TMPRSS2: variants seen among roughly 807,000 people sequenced by gnomAD.
TMPRSS2 encodes the protein transmembrane serine protease 2.
A neutral mutation model predicts 67.4 loss-of-function variants in TMPRSS2; 59 were observed. That is an observed-to-expected ratio of 0.88 (90% CI 0.71 to 1.09). The LOEUF (loss-of-function observed/expected upper bound fraction) is 1.09. Among genes scored for constraint, TMPRSS2 ranks in the 50% least tolerant of loss-of-function variants. The probability of loss-of-function intolerance (pLI) is 0.00; values close to 1 mark genes in which losing one functional copy is unlikely to be tolerated. For synonymous variants in TMPRSS2, 257 were observed against 257.0 expected, an observed-to-expected ratio of 1.00 and a Z score of 0.00; for missense variants, 668 against 642.7, an observed-to-expected ratio of 1.04 and a Z score of -0.43.
At chr21:41,479,113 C>A in intron 7 of TMPRSS2, 59 bp downstream of exon 7, 2 of 1,293,624 alleles carry the variant, frequency 1.5e-6, no homozygotes, top group Admixed American at 1.7e-5. Context: ...CAACGATTCC[C>A]CATGGTGTCT....
At chr21:41,498,891 T>A (rs930458926) in intron 1 of TMPRSS2, among the ~76,000 whole-genome samples, 2 of 151,762 alleles carry the variant, frequency 1.3e-5, no homozygotes, top group African/African-American at 4.8e-5. Flanking sequence ...AAGCTGAGGG[T>A]TGTGGGAGAG....
Position 41,466,005 on chromosome 21 carries a change from C to T in TMPRSS2, c.*137G>A, listed in dbSNP as rs2091080058. 4 of 1,124,302 alleles carry T rather than the reference C, an allele frequency of 3.6e-6. No individual in the cohort carries two copies. The allele number at this position is 1,124,302 out of a possible 1,614,324, so 69.6% of individuals were successfully genotyped here. On this transcript the variant is annotated 3_prime_UTR_variant, in exon 14 of 14. Transcript: ENST00000332149. ...GCCTGCACAGAATGGCAGAGAGTGC[C>T]AAAGCCAGACAAGTTCACTGTTTAA...
intron 5 of TMPRSS2, among the ~76,000 whole-genome samples, chr21:41,483,299 C>T (rs2091270376): frequency 6.6e-6 from 1 of 151,842 alleles, no homozygotes; most frequent in African/African-American, 2.4e-5. Context: ...TACACTTCTT[C>T]TTCTTCTTCT....
intron 1 of TMPRSS2, among the ~76,000 whole-genome samples, chr21:41,500,218 A>G (rs1245675181): frequency 1.3e-5 from 2 of 152,232 alleles, no homozygotes; most frequent in Non-Finnish European, 2.9e-5. Flanking sequence ...AGATAATAGT[A>G]ACACCTACCT....
chr21:41,477,798 C>G (rs2091226200), intron 7 of TMPRSS2, among the ~76,000 whole-genome samples: 1 of 152,106 alleles, frequency 6.6e-6, no homozygotes, highest in South Asian at 2.1e-4. Flanking sequence ...TGGTTATTCA[C>G]AGAAGCCCGA....
intron 1 of TMPRSS2, chr21:41,502,427 A>G (rs2091430722): frequency 1.0e-6 from 1 of 985,282 alleles, no homozygotes; most frequent in Admixed American, 6.2e-5. Context: ...CCCACCTGTG[A>G]CTGGTACGGT....
rs947928690 is a variant in TMPRSS2 at position 41,478,639 on chromosome 21, C to A, written c.683+533G>T. Reference sequence around the variant, plus strand: ...GAAACACCACAACTCATTCCCAGGCCGCCAGAATGCTGCCCATCCCTCACA... The same window carrying A: ...GAAACACCACAACTCATTCCCAGGCAGCCAGAATGCTGCCCATCCCTCACA... On this transcript the variant is annotated intron_variant, in intron 7 of 13. Coordinates refer to ENST00000332149, the MANE Select transcript of TMPRSS2 (RefSeq NM_005656.4). This position sits in a 1 kb window ranked among gnomAD's most constrained non-coding sequence, Gnocchi z 4.0. Among the ~76,000 whole-genome samples the A allele has an allele frequency of 6.6e-6, 1 of 152,168 alleles. No homozygotes were observed. Among genetic ancestry groups the A allele is most frequent in the Non-Finnish European group, 1.5e-5 (1 of 68,026 alleles).
In TMPRSS2 at chr21:41,473,409, C is replaced by T. The variant is rs1368932804; in HGVS notation, c.815G>A (p.Ser272Asn). ...CACGTGGACGTTCTGGACGTGCAGG[C>T]TGACCTGCCAGGGCCAGGCCCCCGG... ...ALPGAWPWQV[S>N]LHVQNVHVCG... The change falls in exon 9 of 14, where the codon AGC becomes AAC. Residue 272 changes from serine to asparagine, a missense_variant. Coordinates refer to ENST00000332149, the MANE Select transcript of TMPRSS2 (RefSeq NM_005656.4). 7 of 1,610,244 alleles carry T rather than the reference C, an allele frequency of 4.3e-6. No homozygotes were observed. Among genetic ancestry groups the T allele is most frequent in the African/African-American group, 1.3e-5 (1 of 75,020 alleles).
intron 1 of TMPRSS2, among the ~76,000 whole-genome samples, chr21:41,500,175 G>A (rs1395409855): frequency 1.3e-5 from 2 of 152,194 alleles, no homozygotes; most frequent in Non-Finnish European, 2.9e-5. Flanking sequence ...GCTATTGAAG[G>A]TTCTGTGCCT....
chr21:41,475,648 GTGAGTGAGGGTTGAGGGAGTGA>G (rs2091205124), intron 8 of TMPRSS2, among the ~76,000 whole-genome samples: 2 of 72,584 alleles, frequency 2.8e-5, no homozygotes, highest in Non-Finnish European at 5.9e-5. Flanking sequence ...GAGTGAGGAG[GTGAGTGAGGGTTGAGGGAGTGA>G]GGGGGTGAGT....
intron 1 of TMPRSS2, 32 bp downstream of exon 1, chr21:41,508,049 C>A: frequency 7.7e-7 from 1 of 1,295,620 alleles, no homozygotes; most frequent in South Asian, 2.3e-5. Flanking sequence ...GCCCGGACCC[C>A]GAGCCGGGAC....
chr21:41,482,472 A>G (rs1164586203), intron 5 of TMPRSS2, among the ~76,000 whole-genome samples: 1 of 152,256 alleles, frequency 6.6e-6, no homozygotes, highest in Non-Finnish European at 1.5e-5. Flanking sequence ...AGCTGAAAGC[A>G]TGGAAACAAT....
rs1402532005 is a variant in TMPRSS2, at chr21:41,494,441, C to G, written c.153G>C (p.Gln51His). ...PAQYYPSPVP[Q>H]YAPRVLTQAS... The stretch of plus-strand genomic sequence containing the variant: ...CCTGCGTCAGGACCCTCGGGGCGTA[C>G]TGGGGCACGGGGGACGGGTAGTACT... Residue 51 changes from glutamine to histidine, a missense_variant, in exon 3 of 14, where the codon CAG (glutamine) becomes CAC (histidine). Physicochemically the swap from Gln to His is conservative, Grantham distance 24. Transcript: ENST00000332149. 6.2e-7 allele frequency: 1 copy of G among 1,613,340 alleles called. No individual in the cohort carries two copies. The highest frequency in any genetic ancestry group is 8.5e-7 in the Non-Finnish European group (1 of 1,179,820).
rs1190297901 is a variant in TMPRSS2 at position 41,464,861 on chromosome 21, T to A, written c.*1281A>T. Reference sequence around the variant, plus strand: ...TCAAGGTTAAGTCCTAGCTGTAGAATCATTCATTTCATTCTTGCAAACCAG... The same window carrying A: ...TCAAGGTTAAGTCCTAGCTGTAGAAACATTCATTTCATTCTTGCAAACCAG... On this transcript the variant is annotated 3_prime_UTR_variant, in exon 14 of 14. Transcript: ENST00000332149. 1 of 233,190 alleles carries A rather than the reference T, an allele frequency of 4.3e-6. No homozygotes were observed. Among genetic ancestry groups the A allele is most frequent in the Non-Finnish European group, 8.5e-6 (1 of 118,070 alleles). 14.4% of individuals were successfully genotyped at this position (233,190 alleles called of 1,614,324 possible). A position where few individuals can be genotyped will look rare whatever the true frequency, so the allele number is the denominator to read the frequency against.
At chr21:41,496,024 T>C (rs898668186) in intron 2 of TMPRSS2, among the ~76,000 whole-genome samples, 2 of 152,204 alleles carry the variant, frequency 1.3e-5, no homozygotes, top group African/African-American at 2.4e-5. Flanking sequence ...AATCCTGTAC[T>C]TTTAGTTCCT....
Position 41,489,567 on chromosome 21 carries a change from A to C in TMPRSS2, c.265T>G (p.Leu89Val). The C allele has an allele frequency of 6.2e-7, 1 of 1,614,192 alleles. No individual in the cohort carries two copies. Among genetic ancestry groups the C allele is most frequent in the South Asian group, 1.1e-5 (1 of 91,080 alleles). Residue 89 changes from leucine to valine, a missense_variant, in exon 4 of 14, where the codon TTG (leucine) becomes GTG (valine). By Grantham distance (32) the Leu-to-Val change is conservative (BLOSUM62 1). Coordinates refer to ENST00000332149, the MANE Select transcript of TMPRSS2 (RefSeq NM_005656.4). The part of the protein sequence containing the change: ...SKTKKALCIT[L>V]TLGTFLVGAA... ...CCCACGAGGAAGGTCCCCAGGGTCA[A>C]GGTGATGCACAGTGCTTTCTTAGTC...
At chr21:41,491,389 C>T (rs1232086350) in intron 3 of TMPRSS2, among the ~76,000 whole-genome samples, 1 of 152,044 alleles carries the variant, frequency 6.6e-6, no homozygotes, top group Non-Finnish European at 1.5e-5. Context: ...CCAAGTGATC[C>T]ACTCGCCTCA....
At position 41,468,407 on chromosome 21, in the gene TMPRSS2, C is replaced by T. The variant is rs867186402; in HGVS notation, c.1303G>A (p.Asp435Asn). 5 of 1,614,066 alleles carry T rather than the reference C, an allele frequency of 3.1e-6. No homozygotes were observed. The highest frequency in any genetic ancestry group is 2.2e-5 in the East Asian group (1 of 44,882). Reference protein sequence around the residue: ...ICAGFLQGNVDSCQGDSGGPL... With the variant: ...ICAGFLQGNVNSCQGDSGGPL... ...AAATGTTGAATTACCTGGCAAGAATCGACGTTCCCCTGCAGGAAGCCGGCA... is the reference window on the plus strand; with the variant it reads ...AAATGTTGAATTACCTGGCAAGAATTGACGTTCCCCTGCAGGAAGCCGGCA... The change falls in exon 12 of 14, where the codon GAT becomes AAT. Residue 435 changes from aspartate (D) to asparagine (N), a missense_variant. Coordinates refer to ENST00000332149, the MANE Select transcript of TMPRSS2 (RefSeq NM_005656.4).
intron 3 of TMPRSS2, among the ~76,000 whole-genome samples, chr21:41,490,844 G>A (rs1323048704): frequency 1.3e-5 from 2 of 152,220 alleles, no homozygotes; most frequent in Non-Finnish European, 2.9e-5. Flanking sequence ...GAAGAAAGGT[G>A]CAGAGGTGGA....
Sources: gnomAD v4.1 joint callset for allele counts (sites outside exome capture counted in the v4.1 genomes callset) on GRCh38, gnomAD v4.1.1 for gene constraint, Gnocchi (gnomAD v3.1) non-coding constraint, MANE v1.5 for transcripts, NCBI Gene and HGNC (gene_info 2026-07-23, HGNC 2026-07-21) for gene names.